Variants in CHCHD6 observed in about 807,000 individuals in gnomAD.
The protein encoded by CHCHD6 is MICOS complex subunit MIC25.
A neutral mutation model predicts 32.3 loss-of-function variants in CHCHD6; 28 were observed. That is an observed-to-expected ratio of 0.87 (90% CI 0.64 to 1.19). The LOEUF is 1.19. Ranked by LOEUF, CHCHD6 falls within the 50% of genes most tolerant of loss-of-function variation. The pLI, the probability that CHCHD6 is intolerant of heterozygous loss-of-function variation, is 0.00. For synonymous variants in CHCHD6, 122 were observed against 117.5 expected, an observed-to-expected ratio of 1.04 and a Z score of -0.25; for missense variants, 333 against 307.0, an observed-to-expected ratio of 1.08 and a Z score of -0.63.
chr3:126,910,221 C>T (rs2361732), intron 5 of CHCHD6, among the ~76,000 whole-genome samples: 107,349 of 148,606 alleles, frequency 0.72, 40,727 homozygotes, highest in Non-Finnish European at 0.84. Context: ...GAGGTTACAG[C>T]GGGCTATGAT....
At chr3:126,931,972 G>A (rs921417298) in intron 6 of CHCHD6, among the ~76,000 whole-genome samples, 2 of 152,214 alleles carry the variant, frequency 1.3e-5, no homozygotes, top group African/African-American at 2.4e-5. Context: ...TTGCTGGGCT[G>A]GAAGCGGCAG....
At chr3:126,768,629 C>A (rs917448007) in intron 4 of CHCHD6, among the ~76,000 whole-genome samples, 2 of 152,146 alleles carry the variant, frequency 1.3e-5, no homozygotes, top group African/African-American at 4.8e-5. Flanking sequence ...ATTTTAAGTT[C>A]TTTGGGGAAT....
intron 5 of CHCHD6, among the ~76,000 whole-genome samples, chr3:126,907,833 C>T (rs2078027680): frequency 1.3e-5 from 2 of 152,198 alleles, no homozygotes; most frequent in African/African-American, 4.8e-5. Context: ...CTACGTGGAA[C>T]CATGTGCTGG....
chr3:126,710,731 G>A (rs997006557), intron 1 of CHCHD6, among the ~76,000 whole-genome samples: 10 of 152,060 alleles, frequency 6.6e-5, no homozygotes, highest in African/African-American at 2.4e-4. Flanking sequence ...TTTTGGGCTC[G>A]TTGTTGCTAA....
chr3:126,705,084 TCTGTGCGCCGG>T (rs1295234019), intron 1 of CHCHD6, among the ~76,000 whole-genome samples: 1 of 152,092 alleles, frequency 6.6e-6, no homozygotes, highest in Non-Finnish European at 1.5e-5. Context: ...CAGCTCAGGG[TCTGTGCGCCGG>T]CTGTTCTCTC....
At chr3:126,723,876 C>T (rs970387217) in intron 1 of CHCHD6, among the ~76,000 whole-genome samples, 40 of 152,176 alleles carry the variant, frequency 2.6e-4, no homozygotes, top group African/African-American at 8.7e-4. Flanking sequence ...TTTCCCTCCG[C>T]TGTGTTTTAT....
intron 1 of CHCHD6, among the ~76,000 whole-genome samples, chr3:126,723,323 G>A (rs1935394398): frequency 6.6e-6 from 1 of 152,064 alleles, no homozygotes; most frequent in Admixed American, 6.5e-5. Flanking sequence ...TGAAAATCCT[G>A]CCCCAGCTGC....
chr3:126,891,894 C>T (rs1414321790), intron 5 of CHCHD6, among the ~76,000 whole-genome samples: 2 of 152,194 alleles, frequency 1.3e-5, no homozygotes, highest in South Asian at 2.1e-4. Context: ...TCCAGAGCTG[C>T]GACGGTGGCC....
intron 4 of CHCHD6, among the ~76,000 whole-genome samples, chr3:126,825,824 CT>C (rs1940366936): frequency 6.6e-6 from 1 of 152,148 alleles, no homozygotes; most frequent in Non-Finnish European, 1.5e-5. Context: ...TTGTCTTTCT[CT>C]TCTTTTCAAT....
At chr3:126,902,124 C>T (rs1035102523) in intron 5 of CHCHD6, among the ~76,000 whole-genome samples, 2 of 152,238 alleles carry the variant, frequency 1.3e-5, no homozygotes, top group African/African-American at 4.8e-5. Context: ...ATGAGCTGCA[C>T]ATTAGAATCT....
chr3:126,953,184 G>C (rs1363542976), intron 6 of CHCHD6: 2 of 968,672 alleles, frequency 2.1e-6, no homozygotes, highest in Non-Finnish European at 2.5e-6. Flanking sequence ...CCTTGCCCCA[G>C]GTTTGTCTGA....
intron 4 of CHCHD6, among the ~76,000 whole-genome samples, chr3:126,800,446 A>G (rs773784473): frequency 2.0e-5 from 3 of 152,200 alleles, no homozygotes; most frequent in Non-Finnish European, 2.9e-5. Context: ...CAGTTGGGCC[A>G]CTTACCAGGG....
At chr3:126,947,045 G>T (rs754907139) in intron 6 of CHCHD6, among the ~76,000 whole-genome samples, 1 of 152,228 alleles carries the variant, frequency 6.6e-6, no homozygotes, top group Non-Finnish European at 1.5e-5. Flanking sequence ...CGCTGGGCGC[G>T]CTCCACAGGA....
At chr3:126,829,287 G>T (rs2107540746) in intron 4 of CHCHD6, among the ~76,000 whole-genome samples, 1 of 152,122 alleles carries the variant, frequency 6.6e-6, no homozygotes, top group East Asian at 2.0e-4. Context: ...CTCAGACTCA[G>T]ATTTCTGGTT....
At chr3:126,812,103 GTT>G (rs61450073) in intron 4 of CHCHD6, among the ~76,000 whole-genome samples, 6 of 142,758 alleles carry the variant, frequency 4.2e-5, no homozygotes, top group Non-Finnish European at 3.1e-5. Context: ...ATCTGTGCAG[GTT>G]TTTTTTTTTT....
chr3:126,848,975 G>T (rs149495282), intron 4 of CHCHD6, among the ~76,000 whole-genome samples: 1 of 152,186 alleles, frequency 6.6e-6, no homozygotes, highest in African/African-American at 2.4e-5. Flanking sequence ...CCTCAGTGCA[G>T]GACGAGGTCT....
chr3:126,899,781 A>G (rs545373979), intron 5 of CHCHD6, among the ~76,000 whole-genome samples: 1 of 152,222 alleles, frequency 6.6e-6, no homozygotes, highest in South Asian at 2.1e-4. Context: ...AGTGCAGCCG[A>G]GAGGAAAACC....
intron 3 of CHCHD6, 71 bp downstream of exon 3, chr3:126,730,701 C>G: frequency 7.8e-7 from 1 of 1,287,628 alleles, no homozygotes; most frequent in Non-Finnish European, 1.1e-6. Context: ...CTGGGTACCC[C>G]TCTCCTTGCC....
At chr3:126,733,560 C>T (rs759145102) in intron 4 of CHCHD6, among the ~76,000 whole-genome samples, 8 of 152,140 alleles carry the variant, frequency 5.3e-5, no homozygotes, top group Middle Eastern at 3.2e-3. Context: ...GTGTCAGGAG[C>T]GTGTGAGGGC....
Sources: gnomAD v4.1 joint callset for allele counts (sites outside exome capture counted in the v4.1 genomes callset) on GRCh38, gnomAD v4.1.1 for gene constraint, MANE v1.5 for transcripts, NCBI Gene and HGNC (gene_info 2026-07-23, HGNC 2026-07-21) for gene names.